The following SORCS3 variants were observed in gnomAD, a reference collection of about 807,000 sequenced individuals.
The protein encoded by SORCS3 is VPS10 domain-containing receptor SorCS3.
Under a neutral mutation model 146.3 loss-of-function variants are expected in SORCS3, and 57 were observed. That is an observed-to-expected ratio of 0.39 (90% confidence interval 0.31 to 0.49). SORCS3 has a LOEUF of 0.49. SORCS3 is among the 20% of genes least tolerant of loss of function. The probability of loss-of-function intolerance (pLI) is 0.92; values close to 1 mark genes in which losing one functional copy is unlikely to be tolerated. For synonymous variants in SORCS3, 653 were observed against 618.5 expected (o/e 1.06, Z -0.83); for missense variants, 1,341 against 1,575.5 (o/e 0.85, Z 2.52).
intron 5 of SORCS3, among the ~76,000 whole-genome samples, chr10:105,063,578 C>G (rs73342296): frequency 0.059 from 8,977 of 152,302 alleles, 287 homozygotes; most frequent in Middle Eastern, 0.088. Context: ...TGATGCCTTT[C>G]GGTCACACCT....
intron 7 of SORCS3, among the ~76,000 whole-genome samples, chr10:105,137,589 C>T (rs1467380764): frequency 6.6e-6 from 1 of 152,052 alleles, no homozygotes; most frequent in Non-Finnish European, 1.5e-5. Flanking sequence ...AGGTGAGGAG[C>T]ACAGAGGTCT....
At chr10:105,040,243 C>T (rs1052371974) in intron 4 of SORCS3, among the ~76,000 whole-genome samples, 1 of 151,946 alleles carries the variant, frequency 6.6e-6, no homozygotes, top group African/African-American at 2.4e-5. Context: ...GCTGCTTTTC[C>T]CCACCTCTCA....
intron 14 of SORCS3, among the ~76,000 whole-genome samples, chr10:105,193,590 A>G (rs6584656): frequency 0.98 from 149,317 of 152,264 alleles, 73,231 homozygotes; most frequent in East Asian, 1. Context: ...AAATGGTCTC[A>G]AAAGGGCCAC....
At chr10:105,014,514 T>C (rs1415667812) in intron 4 of SORCS3, among the ~76,000 whole-genome samples, 1 of 152,172 alleles carries the variant, frequency 6.6e-6, no homozygotes, top group East Asian at 1.9e-4. Flanking sequence ...TTGGAAAAGA[T>C]TCTTGCTGCA....
intron 4 of SORCS3, among the ~76,000 whole-genome samples, chr10:105,008,366 C>T (rs1589591626): frequency 6.6e-6 from 1 of 152,278 alleles, no homozygotes; most frequent in East Asian, 1.9e-4. Flanking sequence ...GAAGAGATCT[C>T]CTTCTTCACT....
intron 20 of SORCS3, among the ~76,000 whole-genome samples, chr10:105,234,393 T>C (rs1298677976): frequency 2.0e-5 from 3 of 152,052 alleles, no homozygotes. Flanking sequence ...CAGTGTTCTC[T>C]GAGTTTTGAG....
chr10:104,680,327 G>C (rs540991308), intron 1 of SORCS3, among the ~76,000 whole-genome samples: 6 of 152,368 alleles, frequency 3.9e-5, no homozygotes, highest in African/African-American at 1.4e-4. Flanking sequence ...TGGGGTGGTA[G>C]ATGTGGTGTT....
intron 20 of SORCS3, among the ~76,000 whole-genome samples, chr10:105,243,415 A>G (rs1012060266): frequency 2.0e-5 from 3 of 152,176 alleles, no homozygotes; most frequent in Admixed American, 1.3e-4. Flanking sequence ...TGTGCCACAC[A>G]TGTTGATATT....
At chr10:105,033,019 A>T (rs2055280385) in intron 4 of SORCS3, among the ~76,000 whole-genome samples, 1 of 152,250 alleles carries the variant, frequency 6.6e-6, no homozygotes, top group Non-Finnish European at 1.5e-5. Context: ...ATCTGATTGC[A>T]GAGGAAAATG....
At chr10:104,815,163 CAATGTG>C (rs1192543301) in intron 1 of SORCS3, among the ~76,000 whole-genome samples, 1 of 152,118 alleles carries the variant, frequency 6.6e-6, no homozygotes, top group African/African-American at 2.4e-5. Context: ...CTGTAAAGAA[CAATGTG>C]AAAGTCAGGG....
At chr10:105,078,656 A>G (rs2055604305) in intron 5 of SORCS3, among the ~76,000 whole-genome samples, 1 of 152,234 alleles carries the variant, frequency 6.6e-6, no homozygotes, top group African/African-American at 2.4e-5. Flanking sequence ...TTTGAGCACT[A>G]TCATACTAAG....
At chr10:104,782,336 G>C (rs1301306508) in intron 1 of SORCS3, among the ~76,000 whole-genome samples, 2 of 152,142 alleles carry the variant, frequency 1.3e-5, no homozygotes, top group Admixed American at 1.3e-4. Flanking sequence ...TCCACCAAGA[G>C]AAGGCAGGGA....
chr10:105,025,400 G>T (rs1290744807), intron 4 of SORCS3, among the ~76,000 whole-genome samples: 1 of 152,102 alleles, frequency 6.6e-6, no homozygotes, highest in African/African-American at 2.4e-5. Flanking sequence ...CGGTGGCTAT[G>T]GGCTTGCCTG....
chr10:104,810,816 A>G (rs1275318377), intron 1 of SORCS3, among the ~76,000 whole-genome samples: 9 of 152,234 alleles, frequency 5.9e-5, no homozygotes, highest in African/African-American at 1.9e-4. Context: ...AAACTTTCCT[A>G]GCAAATATTT....
At chr10:105,002,487 G>T (rs2055068216) in intron 4 of SORCS3, among the ~76,000 whole-genome samples, 1 of 152,164 alleles carries the variant, frequency 6.6e-6, no homozygotes, top group Non-Finnish European at 1.5e-5. Context: ...GGGTATAAGG[G>T]CCACAGAATG....
intron 1 of SORCS3, among the ~76,000 whole-genome samples, chr10:104,758,657 C>G (rs2017086538): frequency 6.6e-6 from 1 of 152,168 alleles, no homozygotes; most frequent in Non-Finnish European, 1.5e-5. Context: ...TTTAAAATGA[C>G]AGCTGAGACC....
chr10:105,053,882 A>AT (rs1228359381), intron 5 of SORCS3, among the ~76,000 whole-genome samples: 1 of 152,006 alleles, frequency 6.6e-6, no homozygotes, highest in Non-Finnish European at 1.5e-5. Context: ...GATTATTATG[A>AT]TTTTTTTAGG....
chr10:104,717,769 T>C (rs2016496827), intron 1 of SORCS3, among the ~76,000 whole-genome samples: 1 of 152,234 alleles, frequency 6.6e-6, no homozygotes, highest in South Asian at 2.1e-4. Context: ...TACTGAATTA[T>C]GTTAATCATA....
intron 3 of SORCS3, among the ~76,000 whole-genome samples, chr10:104,954,983 A>G (rs1289484208): frequency 6.6e-6 from 1 of 152,234 alleles, no homozygotes; most frequent in Non-Finnish European, 1.5e-5. Flanking sequence ...TGAAATTCAC[A>G]TAAAATTAAC....
Sources: gnomAD v4.1 joint callset for allele counts (sites outside exome capture counted in the v4.1 genomes callset) on GRCh38, gnomAD v4.1.1 for gene constraint, MANE v1.5 for transcripts, NCBI Gene and HGNC (gene_info 2026-07-23, HGNC 2026-07-21) for gene names.